The following ROR2 variants were observed in gnomAD, a reference collection of about 807,000 sequenced individuals.
ROR2 encodes tyrosine-protein kinase transmembrane receptor ROR2.
ROR2 carries 33 observed loss-of-function variants against 74.9 expected under a neutral mutation model. The ratio of observed to expected loss-of-function variants is 0.44; its 90% confidence interval spans 0.33 to 0.59. ROR2 has a LOEUF of 0.59. Among genes scored for constraint, ROR2 ranks in the 20% least tolerant of loss-of-function variants. The pLI is 0.02. For synonymous variants in ROR2, 586 were observed against 558.7 expected (o/e 1.05, Z -0.69); for missense variants, 1,216 against 1,313.8 (o/e 0.93, Z 1.15).
At chr9:91,916,554 A>G (rs1831141299) in intron 1 of ROR2, among the ~76,000 whole-genome samples, 1 of 152,128 alleles carries the variant, frequency 6.6e-6, no homozygotes, top group Non-Finnish European at 1.5e-5. Context: ...TCAAATTAAG[A>G]TAATTCTTAA....
intron 1 of ROR2, among the ~76,000 whole-genome samples, chr9:91,882,678 G>C (rs370081499): frequency 6.6e-6 from 1 of 152,126 alleles, no homozygotes; most frequent in African/African-American, 2.4e-5. Context: ...TTGGGGATAA[G>C]GTTTTTAAAA....
At position 91,925,924 on chromosome 9, in the gene ROR2, C is replaced by G. The variant is rs1378471870; in HGVS notation, c.97+23943G>C. On this transcript the variant is annotated intron_variant, in intron 1 of 8. Transcript: ENST00000375708. Reference sequence around the variant, plus strand: ...CTTCCACGCACTCTGCCTAATTTCTCCTGCATGATTTGCGTGCACACTTAA... The same window carrying G: ...CTTCCACGCACTCTGCCTAATTTCTGCTGCATGATTTGCGTGCACACTTAA... Among the ~76,000 whole-genome samples the G allele has an allele frequency of 2.0e-5, 3 of 152,186 alleles. No homozygotes were observed. The East Asian group carries it at 5.8e-4, about 29-fold the overall frequency.
chr9:91,737,623 T>C, intron 4 of ROR2, 105 bp from the exon 5 acceptor site: 1 of 1,486,328 alleles, frequency 6.7e-7, no homozygotes, highest in East Asian at 2.3e-5. Context: ...TTTTGTTACT[T>C]GGTATTTATA....
intron 1 of ROR2, among the ~76,000 whole-genome samples, chr9:91,829,565 A>AAAAAAAAAAAAAAAAAAC (rs1291715855): frequency 6.6e-6 from 1 of 150,814 alleles, no homozygotes; most frequent in Non-Finnish European, 1.5e-5. Flanking sequence ...AAAAAAAAAA[A>AAAAAAAAAAAAAAAAAAC]AAAAAAAAGC....
chr9:91,874,465 C>T (rs1163127627), intron 1 of ROR2, among the ~76,000 whole-genome samples: 2 of 152,092 alleles, frequency 1.3e-5, no homozygotes, highest in African/African-American at 2.4e-5. Context: ...ACTAAGTTGG[C>T]TTTGAAAAGC....
intron 1 of ROR2, among the ~76,000 whole-genome samples, chr9:91,815,792 A>G (rs1827909458): frequency 6.6e-6 from 1 of 152,190 alleles, no homozygotes; most frequent in South Asian, 2.1e-4. Context: ...GATCGGAAGG[A>G]TATCATCACA....
chr9:91,769,863 C>T, intron 2 of ROR2, among the ~76,000 whole-genome samples: 1 of 152,196 alleles, frequency 6.6e-6, no homozygotes, highest in East Asian at 1.9e-4. Context: ...AGAGACCACG[C>T]CGCCTCATAC....
At position 91,878,768 on chromosome 9, in the gene ROR2, A is replaced by C. The variant is rs577014583; in HGVS notation, c.97+71099T>G. 5.4e-4 allele frequency among the ~76,000 whole-genome samples: 82 copies of C among 152,334 alleles called. 1 individual carries two copies. The South Asian group carries it at 0.01, about 19-fold the overall frequency. ...CCCCAACAAGAAACTCATTACAGAA[A>C]AGCTGCACTTTAAGAAACAAAGACG... On this transcript the variant is annotated intron_variant, in intron 1 of 8. Transcript: ENST00000375708.
intron 1 of ROR2, among the ~76,000 whole-genome samples, chr9:91,823,067 TTTAGA>T (rs1425093071): frequency 1.3e-5 from 2 of 152,174 alleles, no homozygotes; most frequent in Non-Finnish European, 2.9e-5. Context: ...GAAGGGCTAT[TTTAGA>T]TTAAAGAGTC....
chr9:91,829,676 G>C (rs148920910), intron 1 of ROR2, among the ~76,000 whole-genome samples: 1 of 151,950 alleles, frequency 6.6e-6, no homozygotes, highest in African/African-American at 2.4e-5. Flanking sequence ...AGAGCAGGGA[G>C]CAATGAAATG....
At chr9:91,776,958 C>G (rs1281365133) in intron 1 of ROR2, among the ~76,000 whole-genome samples, 2 of 152,174 alleles carry the variant, frequency 1.3e-5, no homozygotes, top group Non-Finnish European at 2.9e-5. Context: ...TAGCTCTTCC[C>G]AAGTCAGCTT....
At chr9:91,858,979 A>T (rs1490991741) in intron 1 of ROR2, among the ~76,000 whole-genome samples, 1 of 152,170 alleles carries the variant, frequency 6.6e-6, no homozygotes, top group Non-Finnish European at 1.5e-5. Context: ...CGGGGACACC[A>T]GGCAAACAGG....
At chr9:91,734,986 T>C (rs1824973882) in intron 5 of ROR2, among the ~76,000 whole-genome samples, 1 of 152,130 alleles carries the variant, frequency 6.6e-6, no homozygotes, top group Admixed American at 6.5e-5. Flanking sequence ...ATCCCATCAT[T>C]ACAGATTTGG....
intron 1 of ROR2, among the ~76,000 whole-genome samples, chr9:91,945,899 A>G (rs993547969): frequency 6.6e-6 from 1 of 152,206 alleles, no homozygotes; most frequent in Non-Finnish European, 1.5e-5. Context: ...CCAAATAAAT[A>G]CATGCTAGAA....
chr9:91,846,754 C>T (rs562504884), intron 1 of ROR2, among the ~76,000 whole-genome samples: 16 of 152,074 alleles, frequency 1.1e-4, no homozygotes, highest in Non-Finnish European at 2.2e-4. Flanking sequence ...TTGCGGTGGT[C>T]CCTGAACCTT....
chr9:91,886,388 T>C (rs1371137368), intron 1 of ROR2, among the ~76,000 whole-genome samples: 1 of 152,086 alleles, frequency 6.6e-6, no homozygotes, highest in Non-Finnish European at 1.5e-5. Flanking sequence ...CGTGGGCCGG[T>C]AGACGTCGGC....
In ROR2 at chr9:91,733,092, C is replaced by T. The variant is rs201645473; in HGVS notation, c.937+30G>A. 1.0e-5 allele frequency: 16 copies of T among 1,556,858 alleles called. No homozygotes were observed. Among genetic ancestry groups the T allele is most frequent in the Middle Eastern group, 2.0e-4 (1 of 5,066 alleles). ...AGGGCCCTACACTCCCTGCGCCCCC[C>T]GGTCCCGCCCCGGGCCCTCGGGCAC... On this transcript the variant is annotated intron_variant, in intron 6 of 8. Transcript: ENST00000375708. The surrounding 1 kb of genome is among the most constrained non-coding windows in gnomAD (Gnocchi z 5.7).
At chr9:91,758,281 T>TA (rs1163799429) in intron 2 of ROR2, among the ~76,000 whole-genome samples, 1 of 152,208 alleles carries the variant, frequency 6.6e-6, no homozygotes, top group African/African-American at 2.4e-5. Flanking sequence ...AACTCACAAT[T>TA]ACGGAATCTG....
intron 8 of ROR2, 114 bp from the exon 9 acceptor site, chr9:91,725,221 G>C: frequency 6.4e-7 from 1 of 1,571,218 alleles, no homozygotes; most frequent in Non-Finnish European, 8.7e-7. Flanking sequence ...GGGGGGCCTT[G>C]CAGAAGACCC....
Sources: allele counts gnomAD v4.1 joint callset (sites outside exome capture counted in the v4.1 genomes callset), GRCh38; gene constraint gnomAD v4.1.1; non-coding constraint Gnocchi (gnomAD v3.1); transcripts MANE v1.5; gene names NCBI Gene and HGNC (gene_info 2026-07-23, HGNC 2026-07-21).